The following SHTN1 variants were observed in gnomAD, a reference collection of about 807,000 sequenced individuals.
The protein encoded by SHTN1 is shootin 1.
Under a neutral mutation model 83.1 loss-of-function variants are expected in SHTN1, and 42 were observed. The ratio of observed to expected loss-of-function variants is 0.51; its 90% CI spans 0.39 to 0.65. The LOEUF (loss-of-function observed/expected upper bound fraction) is 0.65, where lower values mean the gene tolerates loss of function less well. SHTN1 is among the 30% of genes least tolerant of loss of function. The pLI is 0.00. For synonymous variants in SHTN1, 224 were observed against 247.7 expected (o/e 0.90, Z 0.90); for missense variants, 622 against 737.8 (o/e 0.84, Z 1.82).
chr10:116,955,717 T>A (rs764818584), intron 4 of SHTN1, among the ~76,000 whole-genome samples: 5 of 152,038 alleles, frequency 3.3e-5, no homozygotes, highest in Admixed American at 6.6e-5. Context: ...GCACGAGAGG[T>A]TTGTCTGACC....
chr10:116,972,726 A>G (rs1412045677), intron 2 of SHTN1, among the ~76,000 whole-genome samples: 2 of 152,196 alleles, frequency 1.3e-5, no homozygotes, highest in African/African-American at 4.8e-5. Flanking sequence ...TCTTGGGCCT[A>G]CATCACTTAA....
At chr10:116,931,758 C>A (rs1198370613) in intron 9 of SHTN1, among the ~76,000 whole-genome samples, 1 of 152,068 alleles carries the variant, frequency 6.6e-6, no homozygotes, top group Non-Finnish European at 1.5e-5. Flanking sequence ...TCAATTTAAA[C>A]AAACTATATT....
At chr10:117,120,989 T>A (rs1233744274) in intron 1 of SHTN1, among the ~76,000 whole-genome samples, 3 of 152,094 alleles carry the variant, frequency 2.0e-5, no homozygotes. Context: ...TTTGTATTTT[T>A]AGGAGAGACG....
At chr10:117,106,658 GC>G (rs1853675200) in intron 1 of SHTN1, among the ~76,000 whole-genome samples, 1 of 152,140 alleles carries the variant, frequency 6.6e-6, no homozygotes, top group Non-Finnish European at 1.5e-5. Context: ...AAGCTCCCTA[GC>G]CTGGCATTTA....
At chr10:116,977,337 G>A (rs1477484672) in intron 2 of SHTN1, among the ~76,000 whole-genome samples, 1 of 152,064 alleles carries the variant, frequency 6.6e-6, no homozygotes, top group African/African-American at 2.4e-5. Flanking sequence ...GTCAAAGAGT[G>A]CTCCTGAATT....
At chr10:116,939,753 T>C (rs1849299475) in intron 9 of SHTN1, among the ~76,000 whole-genome samples, 1 of 152,250 alleles carries the variant, frequency 6.6e-6, no homozygotes, top group African/African-American at 2.4e-5. Flanking sequence ...TGGTAACAAG[T>C]AGCAGCTAAC....
At chr10:117,107,233 T>C (rs1057044632) in intron 1 of SHTN1, among the ~76,000 whole-genome samples, 1 of 152,174 alleles carries the variant, frequency 6.6e-6, no homozygotes, top group South Asian at 2.1e-4. Flanking sequence ...ATACTTATTT[T>C]ATAGATGAGG....
At chr10:117,114,057 TAA>T (rs931298528) in intron 1 of SHTN1, among the ~76,000 whole-genome samples, 1 of 140,380 alleles carries the variant, frequency 7.1e-6, no homozygotes, top group Non-Finnish European at 1.6e-5. Flanking sequence ...AAAAATAAAA[TAA>T]AAAAAAAAAG....
At chr10:117,116,728 C>T (rs1247675877) in intron 1 of SHTN1, among the ~76,000 whole-genome samples, 1 of 152,128 alleles carries the variant, frequency 6.6e-6, no homozygotes, top group Non-Finnish European at 1.5e-5. Context: ...AAGTGAGATT[C>T]CTCCTTGGGA....
intron 15 of SHTN1, among the ~76,000 whole-genome samples, chr10:116,905,208 CAAAAAAA>C (rs772309175): frequency 1.6e-5 from 1 of 63,424 alleles, no homozygotes; most frequent in African/African-American, 4.9e-5. Flanking sequence ...GACTCCGTCT[CAAAAAAA>C]AAAAAAAAAA....
chr10:116,897,999 T>C (rs1041120504), intron 16 of SHTN1, among the ~76,000 whole-genome samples: 2 of 152,188 alleles, frequency 1.3e-5, no homozygotes, highest in Admixed American at 6.5e-5. Flanking sequence ...CCAGGTATTA[T>C]AGCTGTCTCA....
intron 15 of SHTN1, among the ~76,000 whole-genome samples, chr10:116,902,625 T>C (rs1042434488): frequency 1.3e-5 from 2 of 152,230 alleles, no homozygotes; most frequent in Admixed American, 1.3e-4. Context: ...ATTCTGGGCA[T>C]TGAAGCCAGT....
At chr10:117,085,992 C>A (rs2133616257) in intron 1 of SHTN1, among the ~76,000 whole-genome samples, 1 of 142,342 alleles carries the variant, frequency 7.0e-6, no homozygotes, top group Non-Finnish European at 1.5e-5. Flanking sequence ...GTGATCTCGG[C>A]TCACTTCAAC....
At chr10:117,108,935 TA>T (rs1017591502) in intron 1 of SHTN1, among the ~76,000 whole-genome samples, 1 of 152,110 alleles carries the variant, frequency 6.6e-6, no homozygotes, top group Non-Finnish European at 1.5e-5. Context: ...TTCTCACATG[TA>T]AAGTGGTGAG....
At chr10:116,964,528 T>G (rs937369909) in intron 3 of SHTN1, among the ~76,000 whole-genome samples, 2 of 152,250 alleles carry the variant, frequency 1.3e-5, no homozygotes, top group Non-Finnish European at 2.9e-5. Context: ...GTAGAATATC[T>G]CTAAAGCATA....
intron 4 of SHTN1, among the ~76,000 whole-genome samples, chr10:116,958,156 G>T (rs59036131): frequency 0.035 from 5,309 of 152,140 alleles, 298 homozygotes; most frequent in African/African-American, 0.11. Flanking sequence ...AGAAAAATAA[G>T]AATTTATAGA....
chr10:116,909,978 G>T (rs184001401), intron 14 of SHTN1, among the ~76,000 whole-genome samples: 1 of 152,086 alleles, frequency 6.6e-6, no homozygotes, highest in Non-Finnish European at 1.5e-5. Context: ...TGCCATGATT[G>T]TGAGGTTGGG....
intron 11 of SHTN1, among the ~76,000 whole-genome samples, chr10:116,925,613 T>C (rs921402002): frequency 1.3e-5 from 2 of 152,198 alleles, no homozygotes; most frequent in African/African-American, 4.8e-5. Flanking sequence ...TATATCTGTA[T>C]CTATAGATAT....
chr10:116,956,101 A>G (rs1362620522), intron 4 of SHTN1, among the ~76,000 whole-genome samples: 2 of 152,224 alleles, frequency 1.3e-5, no homozygotes, highest in African/African-American at 4.8e-5. Flanking sequence ...GACATTTAAG[A>G]CTTAATTTCT....
Sources: allele counts gnomAD v4.1 joint callset (sites outside exome capture counted in the v4.1 genomes callset), GRCh38; gene constraint gnomAD v4.1.1; transcripts MANE v1.5; gene names NCBI Gene and HGNC (gene_info 2026-07-23, HGNC 2026-07-21).